Variants in CKLF observed in about 807,000 individuals in gnomAD.
The protein encoded by CKLF is chemokine like factor.
In CKLF, 16 loss-of-function variants were observed where a neutral mutation model predicts 12.9. The ratio of observed to expected loss-of-function variants is 1.24; its 90% CI spans 0.84 to 1.88. The LOEUF (loss-of-function observed/expected upper bound fraction) is 1.88, where lower values mean the gene tolerates loss of function less well. Among genes scored for constraint, CKLF ranks in the 40% most tolerant of loss-of-function variants. The pLI, the probability that CKLF is intolerant of heterozygous loss-of-function variation, is 0.00. For synonymous variants in CKLF, 61 were observed against 69.0 expected (o/e 0.88, Z 0.57); for missense variants, 172 against 188.5 (o/e 0.91, Z 0.51).
chr16:66,558,106 C>T, intron 1 of CKLF, 84 bp from the exon 2 acceptor site: 2 of 1,570,514 alleles, frequency 1.3e-6, no homozygotes, highest in Admixed American at 2.0e-5. Flanking sequence ...CTGTGCCCAG[C>T]CTATTATTTT....
Position 66,558,299 on chromosome 16 carries a change from A to G in CKLF, c.188A>G (p.Tyr63Cys). Residue 63 changes from tyrosine to cysteine, a missense_variant, in exon 2 of 4, where the codon TAT becomes TGT. Physicochemically the swap from Tyr to Cys is radical, Grantham distance 194. Transcript: ENST00000264001. ...GTTATCTTATTTTTCATACTTTTAT[A>G]TGTACTCAGACTTGATCGATTAATG... ...VTVILFFILL[Y>C]VLRLDRLMKW... The G allele has an allele frequency of 1.9e-6, 3 of 1,613,694 alleles. No homozygotes were observed. Among genetic ancestry groups the G allele is most frequent in the Non-Finnish European group, 2.5e-6 (3 of 1,179,934 alleles).
chr16:66,564,256 TGCTA>T (rs2011970637), intron 3 of CKLF, among the ~76,000 whole-genome samples: 2 of 152,186 alleles, frequency 1.3e-5, no homozygotes, highest in Non-Finnish European at 2.9e-5. Flanking sequence ...TAACCATAGT[TGCTA>T]GCCACATGGG....
intron 2 of CKLF, among the ~76,000 whole-genome samples, chr16:66,562,159 A>G (rs1341666851): frequency 2.0e-5 from 3 of 151,780 alleles, no homozygotes; most frequent in Non-Finnish European, 2.9e-5. Context: ...ATCTTGGCTC[A>G]CTGCAATCTC....
intron 1 of CKLF, among the ~76,000 whole-genome samples, chr16:66,554,145 T>C (rs1364141867): frequency 6.6e-6 from 1 of 152,204 alleles, no homozygotes; most frequent in East Asian, 1.9e-4. Flanking sequence ...ATTTGAATAC[T>C]TAATATGGTC....
At chr16:66,559,569 G>A (rs1011674870) in intron 2 of CKLF, among the ~76,000 whole-genome samples, 4 of 152,196 alleles carry the variant, frequency 2.6e-5, no homozygotes, top group African/African-American at 9.7e-5. Context: ...GTCTTGTATA[G>A]TTGCTTTTCA....
chr16:66,552,705 C>T lies in CKLF; in HGVS notation c.-11C>T. 6.2e-7 allele frequency: 1 copy of T among 1,614,134 alleles called. No homozygotes were observed. The highest frequency in any genetic ancestry group is 8.5e-7 in the Non-Finnish European group (1 of 1,180,032). The stretch of plus-strand genomic sequence containing the variant: ...TTGAGGGAAAGTGCTGCTGCTGGGT[C>T]TGCAGACGCGATGGATAACGTGCAG... On this transcript the variant is annotated 5_prime_UTR_variant, in exon 1 of 4. Transcript: ENST00000264001.
chr16:66,565,444 A>G (rs2012168103), intron 3 of CKLF, among the ~76,000 whole-genome samples: 1 of 152,230 alleles, frequency 6.6e-6, no homozygotes, highest in Non-Finnish European at 1.5e-5. Context: ...CTGGAGCTAC[A>G]GTCCCCATGA....
At chr16:66,557,940 A>ATG (rs2011513243) in intron 1 of CKLF, among the ~76,000 whole-genome samples, 1 of 152,080 alleles carries the variant, frequency 6.6e-6, no homozygotes, top group African/African-American at 2.4e-5. Flanking sequence ...GCTGTTTTAT[A>ATG]TGTGTGTGTA....
chr16:66,563,230 C>G lies in CKLF; in HGVS notation c.333+13C>G. Reference sequence around the variant, plus strand: ...AGTTGGTGGAGGGGTAAGTGGAAGTCTTTCTGCTTGCTTTCTTCAGGTTTT... The same window carrying G: ...AGTTGGTGGAGGGGTAAGTGGAAGTGTTTCTGCTTGCTTTCTTCAGGTTTT... On this transcript the variant is annotated intron_variant, in intron 3 of 3. Transcript: ENST00000264001. 1 of 1,609,592 alleles carries G rather than the reference C, an allele frequency of 6.2e-7. No homozygotes were observed. The highest frequency in any genetic ancestry group is 1.3e-5 in the African/African-American group (1 of 74,806).
At chr16:66,563,335 A>G in intron 3 of CKLF, 118 bp downstream of exon 3, 1 of 1,174,942 alleles carries the variant, frequency 8.5e-7, no homozygotes, top group Admixed American at 2.6e-5. Context: ...TCCTAGGCCA[A>G]TATACAATGC....
chr16:66,562,927 G>A (rs1053747046), intron 2 of CKLF, 195 bp from the exon 3 acceptor site: 12 of 631,762 alleles, frequency 1.9e-5, no homozygotes, highest in Non-Finnish European at 3.0e-5. Context: ...TCACCATGTC[G>A]GCCAGGCTGG....
rs1313632464 is a variant in CKLF at position 66,563,195 on chromosome 16, C to T, written c.311C>T (p.Thr104Ile). ...VSVLALIPET[T>I]TLTVGGGVFA... ...GTGTTGGCACTGATACCAGAAACCA[C>T]AACATTGACAGTTGGTGGAGGGGTA... The change falls in exon 3 of 4, where the codon ACA becomes ATA. Residue 104 changes from threonine to isoleucine, a missense_variant. Physicochemically the swap from Thr to Ile is moderately conservative, Grantham distance 89. Coordinates refer to ENST00000264001, the MANE Select transcript of CKLF (RefSeq NM_016951.4). 2 of 1,614,094 alleles carry T rather than the reference C, an allele frequency of 1.2e-6. No homozygotes were observed. Among genetic ancestry groups the T allele is most frequent in the African/African-American group, 2.7e-5 (2 of 75,024 alleles).
At chr16:66,559,580 C>T (rs2011590168) in intron 2 of CKLF, among the ~76,000 whole-genome samples, 1 of 152,206 alleles carries the variant, frequency 6.6e-6, no homozygotes. Flanking sequence ...TTGCTTTTCA[C>T]ACTCTGCTTC....
At chr16:66,559,104 C>T (rs1402439597) in intron 2 of CKLF, among the ~76,000 whole-genome samples, 1 of 152,172 alleles carries the variant, frequency 6.6e-6, no homozygotes, top group Admixed American at 6.5e-5. Flanking sequence ...CTCCTGAATC[C>T]CCCTGCTGCC....
rs776989604 is a variant in CKLF at position 66,558,241 on chromosome 16, C to T, written c.130C>T (p.Pro44Ser). ...TTTTATCATCGCACAAGCCCCTGAA[C>T]CATATATTGTTATCACTGGATTTGA... The part of the protein sequence containing the change: ...TFFIIAQAPE[P>S]YIVITGFEVT... Residue 44 changes from proline to serine, a missense_variant, in exon 2 of 4, where the codon CCA becomes TCA. Coordinates refer to ENST00000264001, the MANE Select transcript of CKLF (RefSeq NM_016951.4). The T allele has an allele frequency of 2.5e-6, 4 of 1,613,880 alleles. No homozygotes were observed. The highest frequency in any genetic ancestry group is 1.7e-6 in the Non-Finnish European group (2 of 1,179,966).
intron 1 of CKLF, among the ~76,000 whole-genome samples, chr16:66,553,083 C>G (rs2011247932): frequency 6.6e-6 from 1 of 152,082 alleles, no homozygotes; most frequent in Non-Finnish European, 1.5e-5. Flanking sequence ...TCGCTTGATC[C>G]CAGGAGTTCG....
At chr16:66,559,601 A>G (rs565700327) in intron 2 of CKLF, among the ~76,000 whole-genome samples, 2 of 152,336 alleles carry the variant, frequency 1.3e-5, no homozygotes, top group South Asian at 4.1e-4. Flanking sequence ...TCTAGAGTTT[A>G]ATAAAACTAA....
rs749399767 is a variant in CKLF, at chr16:66,552,671, T to A, written c.-45T>A. 1 of 1,612,586 alleles carries A rather than the reference T, an allele frequency of 6.2e-7. No individual in the cohort carries two copies. The highest frequency in any genetic ancestry group is 1.1e-5 in the South Asian group (1 of 91,040). ...CGCAGAACCTACTCAGGCAGCCAGC[T>A]GAGAAGAGTTGAGGGAAAGTGCTGC... On this transcript the variant is annotated 5_prime_UTR_variant, in exon 1 of 4. Coordinates refer to ENST00000264001, the MANE Select transcript of CKLF (RefSeq NM_016951.4).
chr16:66,555,948 A>G (rs1257053275), intron 1 of CKLF, among the ~76,000 whole-genome samples: 3 of 152,154 alleles, frequency 2.0e-5, no homozygotes, highest in African/African-American at 4.8e-5. Context: ...TGGTACCACC[A>G]GTTGAGGTTG....
Sources: gnomAD v4.1 joint callset for allele counts (sites outside exome capture counted in the v4.1 genomes callset) on GRCh38, gnomAD v4.1.1 for gene constraint, MANE v1.5 for transcripts, NCBI Gene and HGNC (gene_info 2026-07-23, HGNC 2026-07-21) for gene names.